AUTS2: variants seen among roughly 807,000 people sequenced by gnomAD.
AUTS2 encodes autism susceptibility gene 2 protein.
Under a neutral mutation model 112.4 loss-of-function variants are expected in AUTS2, and 17 were observed. The observed-to-expected ratio is 0.15, with a 90% CI of 0.10 to 0.23. The LOEUF (loss-of-function observed/expected upper bound fraction) is 0.23. Among genes scored for constraint, AUTS2 ranks in the 10% least tolerant of loss-of-function variants. The pLI is 1.00. For synonymous variants in AUTS2, 751 were observed against 702.7 expected, an observed-to-expected ratio of 1.07 and a Z score of -1.09; for missense variants, 1,510 against 1,701.6, an observed-to-expected ratio of 0.89 and a Z score of 1.98.
At chr7:70,206,795 G>C (rs1260320601) in intron 4 of AUTS2, among the ~76,000 whole-genome samples, 1 of 152,090 alleles carries the variant, frequency 6.6e-6, no homozygotes, top group African/African-American at 2.4e-5. Context: ...CTGGGACTTG[G>C]GTAAATACTC....
At position 70,790,940 on chromosome 7, in the gene AUTS2, G is replaced by A. The variant is rs747651759; in HGVS notation, c.3724G>A (p.Ala1242Thr). The change falls in exon 19 of 19, where the codon GCA becomes ACA. Residue 1242 changes from alanine to threonine, a missense_variant. Ala to Thr is a moderately conservative substitution (Grantham distance 58). Around this residue, in one of 3 missense-constraint regions of AUTS2, gnomAD observed 788 missense variants for 797.6 expected, o/e 0.99. Transcript: ENST00000342771. This position sits in a 1 kb window ranked among gnomAD's most constrained non-coding sequence, Gnocchi z 7.6. ...VSPRRTTPLS[A>T]EIRERPPSHT... ...TCCCAGAAGGACGACTCCTCTGTCC[G>A]CAGAGATAAGGGAGAGGCCCCCTTC... 4.6e-6 allele frequency: 7 copies of A among 1,537,942 alleles called. No homozygotes were observed. Among genetic ancestry groups the A allele is most frequent in the African/African-American group, 1.4e-5 (1 of 72,572 alleles).
chr7:69,961,061 G>A (rs1417269600), intron 2 of AUTS2, among the ~76,000 whole-genome samples: 1 of 152,098 alleles, frequency 6.6e-6, no homozygotes, highest in Non-Finnish European at 1.5e-5. Flanking sequence ...TGTACCTTGT[G>A]GAGAATGGTT....
At chr7:70,109,180 A>G (rs1804939198) in intron 2 of AUTS2, among the ~76,000 whole-genome samples, 1 of 152,246 alleles carries the variant, frequency 6.6e-6, no homozygotes. Flanking sequence ...ACAGAAAATC[A>G]TAAAAAGTAA....
chr7:70,548,933 CCA>C lies in AUTS2; in HGVS notation c.690+113153_690+113154del, dbSNP rs776272920. On this transcript the variant is annotated intron_variant, in intron 5 of 18. Transcript: ENST00000342771. ...CATCTTGTCAATTTCTACCCCCCCC[CCA>C]AAAAAAAAAAAGTCTGCTGAGATTT... Among the ~76,000 whole-genome samples, 1,162 of 141,078 alleles carry C rather than the reference CCA, an allele frequency of 8.2e-3. 5 individuals are homozygous for C. Among genetic ancestry groups the C allele is most frequent in the Non-Finnish European group, 0.013 (836 of 63,634 alleles). The allele number at this position is 141,078 out of a possible 152,430, so 92.6% of individuals were successfully genotyped here.
intron 1 of AUTS2, among the ~76,000 whole-genome samples, chr7:69,628,221 G>C (rs914495376): frequency 1.3e-5 from 2 of 152,204 alleles, no homozygotes; most frequent in Non-Finnish European, 2.9e-5. Flanking sequence ...AGCCCATCCT[G>C]TTCTTCCATT....
At chr7:70,643,122 T>G (rs4718973) in intron 5 of AUTS2, among the ~76,000 whole-genome samples, 1 of 152,066 alleles carries the variant, frequency 6.6e-6, no homozygotes, top group South Asian at 2.1e-4. Flanking sequence ...CCTCCACAGA[T>G]TCCAAGATTA....
chr7:70,607,976 A>G (rs1371308129), intron 5 of AUTS2, among the ~76,000 whole-genome samples: 1 of 152,186 alleles, frequency 6.6e-6, no homozygotes, highest in Non-Finnish European at 1.5e-5. Context: ...TAGTCATATG[A>G]TACGACTCTT....
intron 2 of AUTS2, among the ~76,000 whole-genome samples, chr7:69,912,871 G>A (rs1349983165): frequency 6.6e-6 from 1 of 152,066 alleles, no homozygotes; most frequent in African/African-American, 2.4e-5. Flanking sequence ...GGTTCTTTTC[G>A]GTAAACTTTT....
chr7:69,850,058 G>T (rs1368197860), intron 1 of AUTS2, among the ~76,000 whole-genome samples: 1 of 152,024 alleles, frequency 6.6e-6, no homozygotes, highest in East Asian at 1.9e-4. Context: ...ACTTTGGGAG[G>T]CCGAGGCGGG....
intron 5 of AUTS2, among the ~76,000 whole-genome samples, chr7:70,575,345 G>T (rs917990965): frequency 1.3e-5 from 2 of 152,252 alleles, no homozygotes; most frequent in South Asian, 4.1e-4. Flanking sequence ...TCCTTTGCCA[G>T]CCATCATGAG....
chr7:70,313,050 A>G (rs139657935), intron 4 of AUTS2, among the ~76,000 whole-genome samples: 8 of 152,334 alleles, frequency 5.3e-5, no homozygotes, highest in African/African-American at 1.7e-4. Flanking sequence ...TTGTTGTTCC[A>G]TAGGGAAGAA....
chr7:70,458,151 G>T lies in AUTS2; in HGVS notation c.690+22370G>T, dbSNP rs547223677. 4.0e-4 allele frequency among the ~76,000 whole-genome samples: 61 copies of T among 152,314 alleles called. 1 individual carries two copies. The highest frequency in any genetic ancestry group is 1.3e-3 in the African/African-American group (56 of 41,564). On this transcript the variant is annotated intron_variant, in intron 5 of 18. Transcript: ENST00000342771. ...CCTCCTTCTAGAAGGAGCAGTGGGG[G>T]CCCTGGCAGGAGGCTGCCGGCTCAG...
chr7:69,733,602 A>C (rs1786897575), intron 1 of AUTS2, among the ~76,000 whole-genome samples: 1 of 152,162 alleles, frequency 6.6e-6, no homozygotes, highest in Admixed American at 6.5e-5. Flanking sequence ...TGAGATGCTA[A>C]CTTTCAAAGT....
At position 69,859,352 on chromosome 7, in the gene AUTS2, CA is replaced by C. The variant is rs1792875036; in HGVS notation, c.310-39927del. ...TACTAAGTTTATTGTTAAGTTACAA[CA>C]AAAAAATTGTTAACTATCATGTCTC... On this transcript the variant is annotated intron_variant, in intron 1 of 18. Coordinates refer to ENST00000342771, the MANE Select transcript of AUTS2 (RefSeq NM_015570.4). Among the ~76,000 whole-genome samples, 8 of 152,164 alleles carry C rather than the reference CA, an allele frequency of 5.3e-5. No homozygotes were observed. The Middle Eastern group carries it at 0.01, about 194-fold the overall frequency.
chr7:69,918,551 CTT>C (rs1795682908), intron 2 of AUTS2, among the ~76,000 whole-genome samples: 1 of 152,138 alleles, frequency 6.6e-6, no homozygotes, highest in African/African-American at 2.4e-5. Context: ...GAAATGAAAA[CTT>C]TTACTGATAC....
intron 4 of AUTS2, among the ~76,000 whole-genome samples, chr7:70,134,877 A>T (rs570345379): frequency 6.6e-6 from 1 of 152,234 alleles, no homozygotes; most frequent in African/African-American, 2.4e-5. Flanking sequence ...TTTCTCCACA[A>T]TTACTTTTTT....
At chr7:70,612,639 C>T (rs938828851) in intron 5 of AUTS2, among the ~76,000 whole-genome samples, 2 of 152,064 alleles carry the variant, frequency 1.3e-5, no homozygotes, top group African/African-American at 4.8e-5. Flanking sequence ...TGTCATACAG[C>T]ATGACCTTCC....
At chr7:69,847,614 C>T (rs756054244) in intron 1 of AUTS2, among the ~76,000 whole-genome samples, 12 of 152,140 alleles carry the variant, frequency 7.9e-5, no homozygotes, top group African/African-American at 1.2e-4. Context: ...TTCAAAAGGC[C>T]GGTGCCCCTG....
chr7:70,601,467 T>C (rs573647524), intron 5 of AUTS2, among the ~76,000 whole-genome samples: 1 of 152,274 alleles, frequency 6.6e-6, no homozygotes, highest in African/African-American at 2.4e-5. Flanking sequence ...CATTACCCAC[T>C]GGAAAGTTCT....
Sources: gnomAD v4.1 joint callset for allele counts (sites outside exome capture counted in the v4.1 genomes callset) on GRCh38, gnomAD v4.1.1 for gene constraint, gnomAD v4.1.1 regional missense constraint, Gnocchi (gnomAD v3.1) non-coding constraint, MANE v1.5 for transcripts, NCBI Gene and HGNC (gene_info 2026-07-23, HGNC 2026-07-21) for gene names.